Variants in TMEM25 observed in about 807,000 individuals in gnomAD.
TMEM25 encodes the protein transmembrane protein 25, also known as 0610039J01Rik.
Under a neutral mutation model 37.0 loss-of-function variants are expected in TMEM25, and 36 were observed. That is an observed-to-expected ratio of 0.97 (90% confidence interval 0.75 to 1.28). The LOEUF is 1.28. TMEM25 is among the 50% of genes most tolerant of loss of function. The probability of loss-of-function intolerance (pLI) is 0.00; values close to 1 mark genes in which losing one functional copy is unlikely to be tolerated. For synonymous variants in TMEM25, 197 were observed against 203.7 expected (o/e 0.97, Z 0.28); for missense variants, 444 against 477.9 (o/e 0.93, Z 0.66).
chr11:118,537,711 C>G (rs950088844), downstream of TMEM25, among the ~76,000 whole-genome samples: 6 of 152,104 alleles, frequency 3.9e-5, no homozygotes, highest in Admixed American at 2.0e-4. Flanking sequence ...TGGAGATACC[C>G]GGAAGTAGGA....
rs372292275 is a variant in TMEM25 at position 118,535,784 on chromosome 11, G to A, written c.*1204G>A. ...TAATGTTTTTCATGTTACTGCCTAGGGCGGTGCTGAGCACACAGCAAGTTT... is the reference window on the plus strand; with the variant it reads ...TAATGTTTTTCATGTTACTGCCTAGAGCGGTGCTGAGCACACAGCAAGTTT... On this transcript the variant is annotated 3_prime_UTR_variant, in exon 9 of 9. Transcript: ENST00000313236. 3.0e-6 allele frequency: 4 copies of A among 1,324,996 alleles called. No individual in the cohort carries two copies. The highest frequency in any genetic ancestry group is 5.7e-5 in the East Asian group (2 of 34,924). 82.1% of individuals were successfully genotyped at this position (1,324,996 alleles called of 1,614,324 possible).
intron 1 of TMEM25, 137 bp from the exon 2 acceptor site, chr11:118,531,638 G>A: frequency 1.5e-6 from 1 of 682,954 alleles, no homozygotes; most frequent in Middle Eastern, 2.5e-4. Context: ...GTTCGTGTCC[G>A]TGCCTTCGCC....
chr11:118,546,475 G>A (rs1372311241), exon 9 of TMEM25: 1 of 250,932 alleles, frequency 4.0e-6, no homozygotes, highest in Non-Finnish European at 7.7e-6. Context: ...TGGGCATAGA[G>A]TAATACCCTG....
rs572377333 is a variant in TMEM25, at chr11:118,532,237, G to T, written c.158G>T (p.Arg53Leu). ...RENERHAFTC[R>L]VAGGPGTPRL... ...AATGAACGCCACGCCTTCACCTGCC[G>T]GGTGGCAGGGGGGCCTGGCACCCCC... The change falls in exon 3 of 9, where the codon CGG becomes CTG. Residue 53 changes from arginine (R) to leucine (L), a missense_variant. Coordinates refer to ENST00000313236, the MANE Select transcript of TMEM25 (RefSeq NM_032780.4). 6.2e-7 allele frequency: 1 copy of T among 1,613,386 alleles called. No individual in the cohort carries two copies. Among genetic ancestry groups the T allele is most frequent in the South Asian group, 1.1e-5 (1 of 91,032 alleles).
intron 1 of TMEM25, 114 bp from the exon 2 acceptor site, chr11:118,531,661 T>A: frequency 3.6e-6 from 3 of 836,218 alleles, no homozygotes; most frequent in Non-Finnish European, 5.4e-6. Flanking sequence ...TGGGGGCTGG[T>A]CTACATTTGC....
Position 118,535,804 on chromosome 11 carries a change from A to G in TMEM25, c.*1224A>G, listed in dbSNP as rs1951499261. 8 of 1,251,538 alleles carry G rather than the reference A, an allele frequency of 6.4e-6. No homozygotes were observed. The South Asian group carries it at 2.6e-4, about 40-fold the overall frequency. 77.5% of individuals were successfully genotyped at this position (1,251,538 alleles called of 1,614,324 possible). ...CCTAGGGCGGTGCTGAGCACACAGC[A>G]AGTTTAATAAACTTGACTGAATTCA... On this transcript the variant is annotated 3_prime_UTR_variant, in exon 9 of 9. Coordinates refer to ENST00000313236, the MANE Select transcript of TMEM25 (RefSeq NM_032780.4).
rs1260004915 is a variant in TMEM25 at position 118,534,761 on chromosome 11, G to T, written c.*181G>T. Reference sequence around the variant, plus strand: ...GATGCATTTCACTGGGCTGTAACCCGCAGGGGCACAGGTATCTTTGGCAAG... The same window carrying T: ...GATGCATTTCACTGGGCTGTAACCCTCAGGGGCACAGGTATCTTTGGCAAG... On this transcript the variant is annotated 3_prime_UTR_variant, in exon 9 of 9. Coordinates refer to ENST00000313236, the MANE Select transcript of TMEM25 (RefSeq NM_032780.4). The surrounding 1 kb of genome is among the most constrained non-coding windows in gnomAD (Gnocchi z 4.6). 7.0e-7 allele frequency: 1 copy of T among 1,425,230 alleles called. No homozygotes were observed. Among genetic ancestry groups the T allele is most frequent in the African/African-American group, 1.4e-5 (1 of 69,750 alleles). The allele number at this position is 1,425,230 out of a possible 1,614,324, so 88.3% of individuals were successfully genotyped here. A position where few individuals can be genotyped will look rare whatever the true frequency, so the allele number is the denominator to read the frequency against.
At chr11:118,546,486 T>TA (rs373375710), downstream of TMEM25, 645 of 212,484 alleles carry the variant, frequency 3.0e-3, 1 homozygote, top group Middle Eastern at 7.5e-3. Flanking sequence ...TAATACCCTG[T>TA]AAAAAAAAAG....
At position 118,533,504 on chromosome 11, in the gene TMEM25, G is replaced by A. The variant is rs1555060998; in HGVS notation, c.758G>A (p.Ser253Asn). Residue 253 changes from serine to asparagine, a missense_variant, in exon 5 of 9, where the codon AGC becomes AAC. Coordinates refer to ENST00000313236, the MANE Select transcript of TMEM25 (RefSeq NM_032780.4). ...GLALGTLVGF[S>N]TLVACLVCRK... ...GCACTGGGCACCCTCGTGGGGTTCA[G>A]CACCTTGGTGGCCTGCCTGGTCTGC... 6.2e-7 allele frequency: 1 copy of A among 1,614,208 alleles called. No homozygotes were observed. Among genetic ancestry groups the A allele is most frequent in the Non-Finnish European group, 8.5e-7 (1 of 1,180,032 alleles).
At chr11:118,542,032 A>G (rs1951585527) in intron 8 of TMEM25, among the ~76,000 whole-genome samples, 1 of 152,242 alleles carries the variant, frequency 6.6e-6, no homozygotes, top group African/African-American at 2.4e-5. Context: ...CTGGGATTAC[A>G]GGTGTGACTC....
At chr11:118,544,704 G>GGTGGTCGCCGTAT in intron 8 of TMEM25, 1 of 518,730 alleles carries the variant, frequency 1.9e-6, no homozygotes, top group East Asian at 3.2e-5. Flanking sequence ...TGGTGTAGAT[G>GGTGGTCGCCGTAT]CATTAACTCC....
chr11:118,547,089 G>A (rs148209505), downstream of TMEM25: 5 of 152,284 alleles, frequency 3.3e-5, no homozygotes, highest in East Asian at 9.6e-4. Context: ...TGGATGTACT[G>A]CAACCTAGCT....
In TMEM25 at chr11:118,534,878, G is replaced by A. The variant is rs879993084; in HGVS notation, c.*298G>A. On this transcript the variant is annotated 3_prime_UTR_variant, in exon 9 of 9. Transcript: ENST00000313236. The surrounding 1 kb of genome is among the most constrained non-coding windows in gnomAD (Gnocchi z 4.6). Reference sequence around the variant, plus strand: ...TTCCAGAGGGAGCTCTTTGGCCAGGGGTGTTCAGATGTCATCCAGCATCCA... The same window carrying A: ...TTCCAGAGGGAGCTCTTTGGCCAGGAGTGTTCAGATGTCATCCAGCATCCA... 7.8e-7 allele frequency: 1 copy of A among 1,274,252 alleles called. No individual in the cohort carries two copies. Among genetic ancestry groups the A allele is most frequent in the Non-Finnish European group, 1.0e-6 (1 of 1,002,174 alleles). The allele number at this position is 1,274,252 out of a possible 1,614,324, so 78.9% of individuals were successfully genotyped here.
rs192267905 is a variant in TMEM25 at position 118,543,382 on chromosome 11, G to A, written c.1028-2737G>A. On this transcript the variant is annotated intron_variant, in intron 8 of 8. Coordinates refer to the TMEM25 transcript ENST00000354284. ...TTTTTAGACAGCACCTCTGCTACCA[G>A]CGCCGGCAATGACTACCACCCCTTT... Among the ~76,000 whole-genome samples the A allele has an allele frequency of 3.3e-5, 5 of 152,210 alleles. No homozygotes were observed. The East Asian group carries it at 9.6e-4, about 29-fold the overall frequency.
At chr11:118,540,150 C>T, downstream of TMEM25, among the ~76,000 whole-genome samples, 1 of 151,668 alleles carries the variant, frequency 6.6e-6, no homozygotes, top group East Asian at 1.9e-4. Context: ...CGCTCTGTTG[C>T]CCAGGCTGGA....
At chr11:118,533,683 G>C (rs1210559470) in intron 5 of TMEM25, 132 bp downstream of exon 5, 21 of 1,574,650 alleles carry the variant, frequency 1.3e-5, no homozygotes. Flanking sequence ...CATGGGTACG[G>C]TGACATGCAT....
rs1436154484 is a variant in TMEM25 at position 118,531,770 on chromosome 11, C to A, written c.-27-5C>A. 4 of 1,537,804 alleles carry A rather than the reference C, an allele frequency of 2.6e-6. No individual in the cohort carries two copies. The highest frequency in any genetic ancestry group is 1.4e-5 in the African/African-American group (1 of 72,720). Reference sequence around the variant, plus strand: ...CTGGCTGACAGGCCCGCCCCCTTCTCTCAGCAGCCTAGGGCCTAGGCCCGG... The same window carrying A: ...CTGGCTGACAGGCCCGCCCCCTTCTATCAGCAGCCTAGGGCCTAGGCCCGG... On this transcript the variant is annotated splice_polypyrimidine_tract_variant and splice_region_variant and intron_variant, in intron 1 of 8. Coordinates refer to ENST00000313236, the MANE Select transcript of TMEM25 (RefSeq NM_032780.4).
At chr11:118,533,715 C>T in intron 5 of TMEM25, 142 bp from the exon 6 acceptor site, 1 of 1,567,976 alleles carries the variant, frequency 6.4e-7, no homozygotes, top group Non-Finnish European at 8.7e-7. Context: ...GGGTCAAGCA[C>T]TGGGAACCCA....
chr11:118,540,319 A>G (rs1464927706), downstream of TMEM25, among the ~76,000 whole-genome samples: 3 of 151,854 alleles, frequency 2.0e-5, no homozygotes, highest in Non-Finnish European at 4.4e-5. Context: ...TCTCTTGTTC[A>G]GTGTTTTCCT....
Sources: gnomAD v4.1 joint callset for allele counts (sites outside exome capture counted in the v4.1 genomes callset) on GRCh38, gnomAD v4.1.1 for gene constraint, Gnocchi (gnomAD v3.1) non-coding constraint, MANE v1.5 for transcripts, NCBI Gene and HGNC (gene_info 2026-07-23, HGNC 2026-07-21) for gene names.